PRKCA: variants seen among roughly 807,000 people sequenced by gnomAD.
PRKCA encodes protein kinase C alpha.
In PRKCA, 27 loss-of-function variants were observed where a neutral mutation model predicts 87.0. That is an observed-to-expected ratio of 0.31 (90% CI 0.23 to 0.43). PRKCA has a LOEUF of 0.43. Among genes scored for constraint, PRKCA ranks in the 20% least tolerant of loss-of-function variants. The pLI, the probability that PRKCA is intolerant of heterozygous loss-of-function variation, is 1.00. For missense variants in PRKCA, 518 were observed against 852.3 expected (o/e 0.61, Z 4.88); for synonymous variants, 329 against 311.1 (o/e 1.06, Z -0.61).
At chr17:66,524,294 G>A (rs1252457603) in intron 3 of PRKCA, among the ~76,000 whole-genome samples, 1 of 152,222 alleles carries the variant, frequency 6.6e-6, no homozygotes, top group Non-Finnish European at 1.5e-5. Flanking sequence ...TTGCGATTCA[G>A]ATTCCTTTAA....
intron 3 of PRKCA, among the ~76,000 whole-genome samples, chr17:66,560,993 C>G (rs1010277538): frequency 6.6e-6 from 1 of 152,178 alleles, no homozygotes; most frequent in African/African-American, 2.4e-5. Flanking sequence ...TTCCCTGGAA[C>G]CTTTCCATTT....
chr17:66,375,028 C>T (rs950635237), intron 2 of PRKCA, among the ~76,000 whole-genome samples: 16 of 149,694 alleles, frequency 1.1e-4, no homozygotes, highest in South Asian at 2.2e-4. Context: ...ACACCGCACC[C>T]GGCCTTAGTT....
At chr17:66,490,505 G>A (rs750779042) in intron 2 of PRKCA, among the ~76,000 whole-genome samples, 1 of 151,618 alleles carries the variant, frequency 6.6e-6, no homozygotes, top group Non-Finnish European at 1.5e-5. Flanking sequence ...CACCATGCCC[G>A]GCTAATTTTT....
chr17:66,504,219 T>A (rs1916869880), intron 3 of PRKCA, among the ~76,000 whole-genome samples: 1 of 151,982 alleles, frequency 6.6e-6, no homozygotes, highest in African/African-American at 2.4e-5. Context: ...GTAAAGAGAG[T>A]TCCTGCCCTC....
intron 3 of PRKCA, among the ~76,000 whole-genome samples, chr17:66,559,686 A>G (rs1314246735): frequency 6.6e-6 from 1 of 152,018 alleles, no homozygotes; most frequent in Non-Finnish European, 1.5e-5. Context: ...ATAGGATCTA[A>G]TTTTTATAAA....
rs549866876 is a variant in PRKCA, at chr17:66,704,618, C to A, written c.918+15571C>A. ...TATAAGCCAAAAGAAAATTGGTGATCTTGAATGAGCTGTTTTGTGAGGATT... is the reference window on the plus strand; with the variant it reads ...TATAAGCCAAAAGAAAATTGGTGATATTGAATGAGCTGTTTTGTGAGGATT... On this transcript the variant is annotated intron_variant, in intron 8 of 16. Transcript: ENST00000413366. Among the ~76,000 whole-genome samples the A allele has an allele frequency of 1.2e-4, 18 of 152,268 alleles. No individual in the cohort carries two copies. In the South Asian group the frequency reaches 3.3e-3, roughly 28 times the overall value.
chr17:66,673,418 G>A (rs996491928), intron 5 of PRKCA, among the ~76,000 whole-genome samples: 4 of 152,182 alleles, frequency 2.6e-5, no homozygotes, highest in African/African-American at 9.7e-5. Flanking sequence ...TAAGAAAATG[G>A]TTAATGTCCC....
intron 5 of PRKCA, among the ~76,000 whole-genome samples, chr17:66,652,068 C>T (rs186329962): frequency 7.9e-5 from 12 of 152,290 alleles, no homozygotes; most frequent in African/African-American, 2.4e-4. Flanking sequence ...AAGCGATTCT[C>T]CTGCCTCAGC....
intron 13 of PRKCA, among the ~76,000 whole-genome samples, chr17:66,744,405 G>A (rs553031761): frequency 2.6e-5 from 4 of 152,294 alleles, no homozygotes; most frequent in South Asian, 2.1e-4. Context: ...AGCCTTCATT[G>A]AACAATTCAG....
At chr17:66,627,616 G>C (rs936676446) in intron 3 of PRKCA, among the ~76,000 whole-genome samples, 2 of 152,204 alleles carry the variant, frequency 1.3e-5, no homozygotes, top group African/African-American at 2.4e-5. Context: ...TGAAGACCAA[G>C]GTGTAAGTGT....
At chr17:66,428,393 AG>A (rs754717215) in intron 2 of PRKCA, among the ~76,000 whole-genome samples, 1 of 152,230 alleles carries the variant, frequency 6.6e-6, no homozygotes, top group Non-Finnish European at 1.5e-5. Context: ...TGATCACTTC[AG>A]GGGGAATAAA....
chr17:66,755,497 C>T (rs552636723), intron 13 of PRKCA, among the ~76,000 whole-genome samples: 81 of 152,284 alleles, frequency 5.3e-4, no homozygotes, highest in African/African-American at 1.8e-3. Context: ...GCATTATTTG[C>T]GGGCGAGACA....
chr17:66,484,232 A>T (rs1567852554), intron 2 of PRKCA, among the ~76,000 whole-genome samples: 1 of 152,162 alleles, frequency 6.6e-6, no homozygotes, highest in African/African-American at 2.4e-5. Context: ...CCCTCCCACA[A>T]CACGTGGGAA....
At chr17:66,661,635 A>G (rs1449563744) in intron 5 of PRKCA, among the ~76,000 whole-genome samples, 1 of 152,224 alleles carries the variant, frequency 6.6e-6, no homozygotes, top group Non-Finnish European at 1.5e-5. Context: ...TGATTGAGTG[A>G]CATTTGTCCA....
chr17:66,459,457 G>A (rs150371916), intron 2 of PRKCA, among the ~76,000 whole-genome samples: 2,130 of 152,316 alleles, frequency 0.014, 30 homozygotes, highest in Non-Finnish European at 0.023. Context: ...AGGTAAAAAA[G>A]TATATAGTAG....
intron 3 of PRKCA, among the ~76,000 whole-genome samples, chr17:66,523,402 C>T (rs1967236911): frequency 6.6e-6 from 1 of 152,100 alleles, no homozygotes; most frequent in South Asian, 2.1e-4. Flanking sequence ...GTTGTATGAC[C>T]TTGAGCAGGG....
intron 3 of PRKCA, among the ~76,000 whole-genome samples, chr17:66,593,298 A>G (rs529139665): frequency 9.2e-5 from 14 of 152,230 alleles, no homozygotes; most frequent in Admixed American, 5.9e-4. Context: ...AGCTGCTTCC[A>G]TCCTGATGCT....
chr17:66,658,341 C>T (rs1273416683), intron 5 of PRKCA, among the ~76,000 whole-genome samples: 1 of 152,110 alleles, frequency 6.6e-6, no homozygotes, highest in Non-Finnish European at 1.5e-5. Flanking sequence ...ATTAGCTGGG[C>T]ATGGTGGCAG....
intron 14 of PRKCA, chr17:66,777,374 G>A: frequency 1.0e-6 from 1 of 985,212 alleles, no homozygotes; most frequent in South Asian, 4.7e-5. Context: ...TCTCAATGGT[G>A]TTAAGGCTTG....
Sources: allele counts gnomAD v4.1 joint callset (sites outside exome capture counted in the v4.1 genomes callset), GRCh38; gene constraint gnomAD v4.1.1; transcripts MANE v1.5; gene names NCBI Gene and HGNC (gene_info 2026-07-23, HGNC 2026-07-21).